PRH1: variants seen among roughly 807,000 people sequenced by gnomAD.
PRH1 encodes the protein salivary acidic proline-rich phosphoprotein 1/2.
A neutral mutation model predicts 7.9 loss-of-function variants in PRH1; 7 were observed. The observed-to-expected ratio is 0.89, with a 90% confidence interval of 0.50 to 1.67. The LOEUF is 1.67. PRH1 is among the 40% of genes most tolerant of loss of function. The pLI, the probability that PRH1 is intolerant of heterozygous loss-of-function variation, is 0.00. For missense variants in PRH1, 109 were observed against 223.6 expected (o/e 0.49, Z 3.27); for synonymous variants, 45 against 80.8 (o/e 0.56, Z 2.38).
intron 1 of PRH1, among the ~76,000 whole-genome samples, chr12:11,066,038 T>C (rs112856033): frequency 6.6e-6 from 1 of 152,206 alleles, no homozygotes; most frequent in Admixed American, 6.5e-5. Context: ...CTGTTTTTAT[T>C]AGCAGAAATC....
chr12:11,144,921 T>G (rs1018928173), intron 1 of PRH1, among the ~76,000 whole-genome samples: 1 of 152,200 alleles, frequency 6.6e-6, no homozygotes, highest in African/African-American at 2.4e-5. Context: ...ACTCCTGCAG[T>G]TGGGGAAGTC....
At chr12:10,950,271 C>A (rs1421788310) in intron 2 of PRH1, among the ~76,000 whole-genome samples, 7 of 152,152 alleles carry the variant, frequency 4.6e-5, no homozygotes, top group South Asian at 2.1e-4. Context: ...GGTGATCCTC[C>A]ATCATAATCA....
intron 1 of PRH1, among the ~76,000 whole-genome samples, chr12:11,094,831 AGACAAG>A (rs1945039718): frequency 8.7e-6 from 1 of 114,712 alleles, no homozygotes; most frequent in African/African-American, 2.9e-5. Context: ...ATGAAGGGCA[AGACAAG>A]GAACACCTAA....
intron 1 of PRH1, among the ~76,000 whole-genome samples, chr12:11,011,452 T>TTGAAGTGAAAGG (rs1326108235): frequency 6.6e-6 from 1 of 152,138 alleles, no homozygotes; most frequent in Non-Finnish European, 1.5e-5. Flanking sequence ...CATGCTGTTG[T>TTGAAGTGAAAGG]TGAAGTGAAA....
intron 1 of PRH1, among the ~76,000 whole-genome samples, chr12:11,130,514 T>C (rs1946306874): frequency 6.6e-6 from 1 of 152,208 alleles, no homozygotes; most frequent in Non-Finnish European, 1.5e-5. Context: ...TGGTCTCAAA[T>C]GGAGCCCAGA....
intron 1 of PRH1, among the ~76,000 whole-genome samples, chr12:10,976,161 C>T (rs1207807092): frequency 1.3e-5 from 2 of 152,168 alleles, no homozygotes; most frequent in East Asian, 3.8e-4. Flanking sequence ...AAATGAACCA[C>T]ACAATCTAAC....
chr12:11,027,825 A>C (rs1300936024), intron 1 of PRH1, among the ~76,000 whole-genome samples: 1 of 152,198 alleles, frequency 6.6e-6, no homozygotes, highest in South Asian at 2.1e-4. Flanking sequence ...TTAGTGTAAG[A>C]CCATTCTCTC....
intron 1 of PRH1, among the ~76,000 whole-genome samples, chr12:11,167,621 T>G (rs912743690): frequency 5.3e-5 from 8 of 152,030 alleles, no homozygotes; most frequent in African/African-American, 1.9e-4. Context: ...ATTTTTTGTA[T>G]TTTTAGTAGA....
chr12:10,964,159 T>C (rs1049701665), intron 2 of PRH1, among the ~76,000 whole-genome samples: 4 of 152,318 alleles, frequency 2.6e-5, no homozygotes, highest in African/African-American at 9.6e-5. Context: ...TTCTGAAAAA[T>C]TTCTTACAAT....
intron 2 of PRH1, among the ~76,000 whole-genome samples, chr12:10,928,543 T>A (rs747312110): frequency 6.6e-6 from 1 of 152,208 alleles, no homozygotes; most frequent in East Asian, 1.9e-4. Flanking sequence ...CCTAAAGATA[T>A]TTTTTAAAAT....
At chr12:11,060,782 T>C (rs934740250) in intron 1 of PRH1, among the ~76,000 whole-genome samples, 3 of 152,224 alleles carry the variant, frequency 2.0e-5, no homozygotes, top group African/African-American at 7.2e-5. Flanking sequence ...TTTCTATCAA[T>C]AATTCTGATT....
intron 1 of PRH1, chr12:11,134,331 A>C: frequency 7.9e-7 from 1 of 1,260,918 alleles, no homozygotes. Context: ...TAAATTCTAT[A>C]TGCACCTGAT....
intron 2 of PRH1, chr12:10,938,009 T>G (rs927949143): frequency 3.6e-5 from 13 of 365,602 alleles, no homozygotes; most frequent in Non-Finnish European, 5.8e-5. Context: ...TCAAAAAAGG[T>G]GAATGATTGA....
rs139483870 is a variant in PRH1 at position 11,082,506 on chromosome 12, A to G, written n.124-35318T>C. Among the ~76,000 whole-genome samples, 494 of 113,340 alleles carry G rather than the reference A, an allele frequency of 4.4e-3. 106 individuals carry two copies. Among genetic ancestry groups the G allele is most frequent in the African/African-American group, 0.014 (461 of 33,720 alleles). The allele number at this position is 113,340 out of a possible 152,430, so 74.4% of individuals were successfully genotyped here. ...TTTTTTGTAGAGATGGGGTTTCATC[A>G]TGTTGGCCAGGCTGGTCTGGAACTC... On this transcript the variant is annotated intron_variant and non_coding_transcript_variant, in intron 1 of 4. Coordinates refer to the PRH1 transcript ENST00000541977.
At chr12:11,159,787 T>C (rs1166243085) in intron 1 of PRH1, 2 of 152,248 alleles carry the variant, frequency 1.3e-5, no homozygotes, top group African/African-American at 4.8e-5. Flanking sequence ...TTTCTATCTA[T>C]GTTTTCATCA....
intron 1 of PRH1, among the ~76,000 whole-genome samples, chr12:11,150,243 A>C (rs898205271): frequency 1.3e-4 from 20 of 151,596 alleles, no homozygotes; most frequent in Admixed American, 2.0e-4. Context: ...TAGTTCAACC[A>C]TTGTGGAAGT....
intron 2 of PRH1, among the ~76,000 whole-genome samples, chr12:10,942,596 C>T (rs1052722872): frequency 1.3e-5 from 2 of 152,134 alleles, no homozygotes; most frequent in African/African-American, 2.4e-5. Flanking sequence ...TCCAGACAGT[C>T]GGCAAGCAGG....
At chr12:10,959,123 T>G (rs1389874471) in intron 2 of PRH1, among the ~76,000 whole-genome samples, 1 of 152,178 alleles carries the variant, frequency 6.6e-6, no homozygotes, top group Admixed American at 6.5e-5. Flanking sequence ...AATTTGCTGA[T>G]GCCTTAAAGA....
Position 11,089,589 on chromosome 12 carries a change from G to C in PRH1, n.124-42401C>G, listed in dbSNP as rs541279259. Among the ~76,000 whole-genome samples, 6 of 106,362 alleles carry C rather than the reference G, an allele frequency of 5.6e-5. 1 individual carries two copies. The South Asian group carries it at 1.6e-3, about 28-fold the overall frequency. The allele number at this position is 106,362 out of a possible 152,430, so 69.8% of individuals were successfully genotyped here. On this transcript the variant is annotated intron_variant and non_coding_transcript_variant, in intron 1 of 4. Transcript: ENST00000541977. Reference sequence around the variant, plus strand: ...TCCTTGCCATTTTTGTCTTGAATTTGACTTCTAAATAAATGTTAGCACTTT... The same window carrying C: ...TCCTTGCCATTTTTGTCTTGAATTTCACTTCTAAATAAATGTTAGCACTTT...
Sources: allele counts gnomAD v4.1 joint callset (sites outside exome capture counted in the v4.1 genomes callset), GRCh38; gene constraint gnomAD v4.1.1; transcripts MANE v1.5; gene names NCBI Gene and HGNC (gene_info 2026-07-23, HGNC 2026-07-21).